The following CBFA2T2 variants were observed in gnomAD, a reference collection of about 807,000 sequenced individuals.
CBFA2T2 encodes the protein protein CBFA2T2.
CBFA2T2 carries 11 observed loss-of-function variants against 62.2 expected under a neutral mutation model. The observed-to-expected ratio is 0.18, with a 90% confidence interval of 0.11 to 0.29. The LOEUF (loss-of-function observed/expected upper bound fraction) is 0.29. Ranked by LOEUF, CBFA2T2 falls within the 10% of genes least tolerant of loss-of-function variation. The pLI is 1.00. For missense variants in CBFA2T2, 592 were observed against 774.1 expected, an observed-to-expected ratio of 0.76 and a Z score of 2.79; for synonymous variants, 295 against 287.5, an observed-to-expected ratio of 1.03 and a Z score of -0.27.
chr20:33,600,458 G>T (rs1024659070), intron 1 of CBFA2T2: 1 of 407,704 alleles, frequency 2.5e-6, no homozygotes, highest in African/African-American at 2.2e-5. Flanking sequence ...AACGTGCTGG[G>T]ATTACAGGTA....
Position 33,613,708 on chromosome 20 carries a change from G to C in CBFA2T2, c.420+2373G>C, listed in dbSNP as rs551167834. On this transcript the variant is annotated intron_variant, in intron 3 of 10. Transcript: ENST00000342704. Reference sequence around the variant, plus strand: ...ACTCTACACACGGCCACCCTTATCGGTTAGGGAGAAGTTTAGTTCTTTTTT... The same window carrying C: ...ACTCTACACACGGCCACCCTTATCGCTTAGGGAGAAGTTTAGTTCTTTTTT... 1.7e-4 allele frequency among the ~76,000 whole-genome samples: 26 copies of C among 152,208 alleles called. 1 individual carries two copies. The highest frequency in any genetic ancestry group is 6.0e-4 in the African/African-American group (25 of 41,520).
intron 3 of CBFA2T2, among the ~76,000 whole-genome samples, chr20:33,613,769 C>G (rs1462012916): frequency 2.0e-5 from 3 of 152,082 alleles, no homozygotes; most frequent in South Asian, 2.1e-4. Context: ...TTTTAGACTA[C>G]TACAGAAAAA....
chr20:33,529,249 TCTC>T (rs529083466), intron 1 of CBFA2T2, among the ~76,000 whole-genome samples: 2 of 151,968 alleles, frequency 1.3e-5, no homozygotes, highest in African/African-American at 4.8e-5. Context: ...ATGGTCTTGA[TCTC>T]CTGACCTCGT....
chr20:33,564,785 G>T (rs2013234114), intron 1 of CBFA2T2, among the ~76,000 whole-genome samples: 2 of 151,624 alleles, frequency 1.3e-5, no homozygotes, highest in South Asian at 4.2e-4. Flanking sequence ...TTGCCATGTT[G>T]CCCAGGCTTG....
chr20:33,501,630 C>CTTTTT (rs869281966), intron 1 of CBFA2T2, among the ~76,000 whole-genome samples: 4,997 of 63,236 alleles, frequency 0.079, 1,749 homozygotes, highest in East Asian at 0.097. Flanking sequence ...CTTAGCCTTC[C>CTTTTT]TTTTTTTTTT....
chr20:33,521,495 T>A (rs926287923), intron 1 of CBFA2T2, among the ~76,000 whole-genome samples: 1 of 152,220 alleles, frequency 6.6e-6, no homozygotes, highest in African/African-American at 2.4e-5. Flanking sequence ...TCCTATAGTT[T>A]AAAATGGTGT....
chr20:33,627,402 G>C (rs1054655041), intron 6 of CBFA2T2, among the ~76,000 whole-genome samples: 2 of 151,794 alleles, frequency 1.3e-5, no homozygotes, highest in Non-Finnish European at 2.9e-5. Flanking sequence ...TCAAGGGGGG[G>C]GAAAAAAACT....
At chr20:33,527,345 G>T (rs2011916124) in intron 1 of CBFA2T2, among the ~76,000 whole-genome samples, 1 of 151,098 alleles carries the variant, frequency 6.6e-6, no homozygotes, top group Non-Finnish European at 1.5e-5. Flanking sequence ...GGGATTACAG[G>T]GCTGTGCCAC....
chr20:33,562,038 A>G (rs1246644643), intron 1 of CBFA2T2, among the ~76,000 whole-genome samples: 1 of 152,020 alleles, frequency 6.6e-6, no homozygotes, highest in East Asian at 1.9e-4. Flanking sequence ...AACTGGCTCA[A>G]AAAACAGAAG....
intron 1 of CBFA2T2, among the ~76,000 whole-genome samples, chr20:33,589,160 C>T (rs922962572): frequency 6.6e-6 from 1 of 152,124 alleles, no homozygotes; most frequent in Admixed American, 6.5e-5. Context: ...TGGTGAAGAA[C>T]AGCAGAGGAC....
chr20:33,633,098 C>T (rs1218553725), intron 8 of CBFA2T2, among the ~76,000 whole-genome samples: 1 of 151,922 alleles, frequency 6.6e-6, no homozygotes, highest in Non-Finnish European at 1.5e-5. Flanking sequence ...TAGCTGGGTG[C>T]AGTGTCTCAC....
In CBFA2T2 at chr20:33,611,114, T is replaced by C. The variant is rs1392507307; in HGVS notation, c.199T>C (p.Ser67Pro). 1 of 1,614,034 alleles carries C rather than the reference T, an allele frequency of 6.2e-7. No homozygotes were observed. The highest frequency in any genetic ancestry group is 1.3e-5 in the African/African-American group (1 of 74,916). Residue 67 changes from serine to proline, a missense_variant, in exon 3 of 11, where the codon TCT (serine) becomes CCT (proline). By Grantham distance (74) the Ser-to-Pro change is moderately conservative. This residue lies in a region of CBFA2T2 where 449 missense variants were observed against 551.2 expected (regional missense o/e 0.81). Transcript: ENST00000342704. The part of the protein sequence containing the change: ...PTALSNGINH[S>P]PPTLNGAPSP... Reference sequence around the variant, plus strand: ...TTTAGTAAGCAATGGCATCAACCATTCTCCTCCTACCCTGAATGGTGCCCC... The same window carrying C: ...TTTAGTAAGCAATGGCATCAACCATCCTCCTCCTACCCTGAATGGTGCCCC...
chr20:33,599,041 G>T (rs941072501), intron 1 of CBFA2T2, among the ~76,000 whole-genome samples: 2 of 151,832 alleles, frequency 1.3e-5, no homozygotes, highest in African/African-American at 4.8e-5. Context: ...CAGGTGGATT[G>T]CCTGAGCTCA....
chr20:33,573,626 C>T (rs1234728402), intron 1 of CBFA2T2, among the ~76,000 whole-genome samples: 1 of 151,998 alleles, frequency 6.6e-6, no homozygotes, highest in Non-Finnish European at 1.5e-5. Context: ...GGACTACAGG[C>T]GTGCACTACC....
In CBFA2T2 at chr20:33,623,357, T is replaced by C. The variant is rs143592356; in HGVS notation, c.692+61T>C. ...GAACCGCACTGGTCCTCCCCTTTGC[T>C]TATAAAAGAGAGAGAATTTGATTGC... On this transcript the variant is annotated intron_variant, in intron 5 of 10. Coordinates refer to ENST00000342704, the MANE Select transcript of CBFA2T2 (RefSeq NM_001032999.3). 8.5e-4 allele frequency: 1,329 copies of C among 1,572,298 alleles called. 1 individual carries two copies. Among genetic ancestry groups the C allele is most frequent in the Non-Finnish European group, 1.1e-3 (1,230 of 1,145,836 alleles).
chr20:33,510,193 G>A (rs1221965622), intron 1 of CBFA2T2, among the ~76,000 whole-genome samples: 1 of 151,366 alleles, frequency 6.6e-6, no homozygotes, highest in Non-Finnish European at 1.5e-5. Flanking sequence ...GTGTATATGT[G>A]CCACTTTTTC....
chr20:33,501,344 C>A (rs115201421), intron 1 of CBFA2T2, among the ~76,000 whole-genome samples: 11 of 152,134 alleles, frequency 7.2e-5, no homozygotes, highest in Admixed American at 5.9e-4. Context: ...ATGCAGAGGT[C>A]GTGCCTGCTT....
At chr20:33,536,550 C>T (rs868637413) in intron 1 of CBFA2T2, among the ~76,000 whole-genome samples, 28 of 150,616 alleles carry the variant, frequency 1.9e-4, no homozygotes, top group East Asian at 4.1e-4. Flanking sequence ...GGGTGGCTGC[C>T]GGGCGTAGGG....
chr20:33,536,330 C>T (rs1270423938), intron 1 of CBFA2T2, among the ~76,000 whole-genome samples: 5 of 128,040 alleles, frequency 3.9e-5, no homozygotes, highest in Non-Finnish European at 6.8e-5. Context: ...CCAGACGGGG[C>T]GGCTGGCCGG....
Sources: gnomAD v4.1 joint callset for allele counts (sites outside exome capture counted in the v4.1 genomes callset) on GRCh38, gnomAD v4.1.1 for gene constraint, gnomAD v4.1.1 regional missense constraint, MANE v1.5 for transcripts, NCBI Gene and HGNC (gene_info 2026-07-23, HGNC 2026-07-21) for gene names.